The following TRAPPC13 variants were observed in gnomAD, a reference collection of about 807,000 sequenced individuals.
The protein encoded by TRAPPC13 is REV7-interacting novel NHEJ regulator 1.
Under a neutral mutation model 54.0 loss-of-function variants are expected in TRAPPC13, and 39 were observed. That is an observed-to-expected ratio of 0.72 (90% CI 0.56 to 0.94). The LOEUF (loss-of-function observed/expected upper bound fraction) is 0.94, where lower values mean the gene tolerates loss of function less well. Among genes scored for constraint, TRAPPC13 ranks in the 40% least tolerant of loss-of-function variants. The probability of loss-of-function intolerance (pLI) is 0.00; values close to 1 mark genes in which losing one functional copy is unlikely to be tolerated. For missense variants in TRAPPC13, 386 were observed against 488.1 expected, an observed-to-expected ratio of 0.79 and a Z score of 1.97; for synonymous variants, 148 against 167.7, an observed-to-expected ratio of 0.88 and a Z score of 0.91.
At chr5:65,638,596 A>C (rs1164349043) in intron 4 of TRAPPC13, among the ~76,000 whole-genome samples, 2 of 152,216 alleles carry the variant, frequency 1.3e-5, no homozygotes, top group Admixed American at 6.5e-5. Flanking sequence ...TAGCTGTATT[A>C]GTCCATTTTC....
chr5:65,630,156 A>G (rs1036246075), intron 1 of TRAPPC13: 5 of 1,536,042 alleles, frequency 3.3e-6, no homozygotes, highest in Non-Finnish European at 4.4e-6. Flanking sequence ...AAACTCAATC[A>G]AATTATTAGG....
chr5:65,631,363 A>AT (rs1022371556), intron 1 of TRAPPC13, among the ~76,000 whole-genome samples: 2 of 151,640 alleles, frequency 1.3e-5, no homozygotes, highest in Admixed American at 6.6e-5. Context: ...AAGCCCACTA[A>AT]TTTTTTTTTC....
chr5:65,658,836 C>A (rs1171619851), intron 9 of TRAPPC13, among the ~76,000 whole-genome samples: 1 of 151,942 alleles, frequency 6.6e-6, no homozygotes, highest in African/African-American at 2.4e-5. Context: ...TTTGGTGCAT[C>A]AGCCTCCCAA....
At chr5:65,640,174 A>G (rs186863357) in intron 4 of TRAPPC13, among the ~76,000 whole-genome samples, 1 of 152,312 alleles carries the variant, frequency 6.6e-6, no homozygotes, top group East Asian at 1.9e-4. Flanking sequence ...AAGGCTTTTG[A>G]ACTAAGAATG....
In TRAPPC13 at chr5:65,630,165, G is replaced by A. The variant is rs749561599; in HGVS notation, c.46+5059G>A. The A allele has an allele frequency of 7.7e-5, 118 of 1,535,862 alleles. 2 individuals carry two copies. In the South Asian group the frequency reaches 1.2e-3, roughly 16 times the overall value. ...TGGACAAAACTCAATCAAATTATTA[G>A]GCACAATGAACTTCCATCTTGTAAT... On this transcript the variant is annotated intron_variant, in intron 1 of 12. Coordinates refer to ENST00000399438, the MANE Select transcript of TRAPPC13 (RefSeq NM_024941.4).
chr5:65,649,868 T>G (rs1756359748), intron 5 of TRAPPC13, among the ~76,000 whole-genome samples: 1 of 151,396 alleles, frequency 6.6e-6, no homozygotes, highest in African/African-American at 2.4e-5. Flanking sequence ...TTTTTTTTTT[T>G]TTTTTTGAGA....
intron 1 of TRAPPC13, chr5:65,629,606 T>A: frequency 6.5e-7 from 1 of 1,533,324 alleles, no homozygotes; most frequent in East Asian, 2.4e-5. Context: ...AGAAGTAATA[T>A]TACATTATCG....
chr5:65,662,459 A>G (rs1164446263), intron 11 of TRAPPC13: 2 of 176,070 alleles, frequency 1.1e-5, no homozygotes, highest in African/African-American at 4.7e-5. Context: ...TTAATATATT[A>G]TGAATTGAAG....
chr5:65,646,281 T>C (rs1399043610), intron 4 of TRAPPC13, among the ~76,000 whole-genome samples: 1 of 152,090 alleles, frequency 6.6e-6, no homozygotes, highest in Non-Finnish European at 1.5e-5. Flanking sequence ...CTACTTTAGA[T>C]GAGGTAGTGC....
At position 65,652,457 on chromosome 5, in the gene TRAPPC13, T is replaced by C. The variant is rs750135865; in HGVS notation, c.502-44T>C. ...TTGATTTAAATAAATAAATAAATGGTCACATGATAACAATCTCCTGATTGA... is the reference window on the plus strand; with the variant it reads ...TTGATTTAAATAAATAAATAAATGGCCACATGATAACAATCTCCTGATTGA... On this transcript the variant is annotated intron_variant, in intron 6 of 12. Transcript: ENST00000399438. 9.6e-6 allele frequency: 13 copies of C among 1,358,546 alleles called. No individual in the cohort carries two copies. The Admixed American group carries it at 1.7e-4, about 17-fold the overall frequency. The allele number at this position is 1,358,546 out of a possible 1,614,324, so 84.2% of individuals were successfully genotyped here.
intron 3 of TRAPPC13, among the ~76,000 whole-genome samples, chr5:65,637,324 TCAAA>T (rs1458172616): frequency 6.6e-6 from 1 of 152,204 alleles, no homozygotes; most frequent in African/African-American, 2.4e-5. Flanking sequence ...TTAGTGATTC[TCAAA>T]CAGATTATTT....
chr5:65,653,695 T>C (rs1211023119), intron 7 of TRAPPC13, among the ~76,000 whole-genome samples: 2 of 152,012 alleles, frequency 1.3e-5, no homozygotes, highest in Admixed American at 6.6e-5. Flanking sequence ...GTCAAAGCAG[T>C]GAAGGCATTC....
chr5:65,658,515 T>A lies in TRAPPC13; in HGVS notation c.698+14T>A. 6.5e-7 allele frequency: 1 copy of A among 1,540,336 alleles called. No individual in the cohort carries two copies. Among genetic ancestry groups the A allele is most frequent in the Non-Finnish European group, 8.8e-7 (1 of 1,140,146 alleles). Reference sequence around the variant, plus strand: ...AGCTGGAGAATGGTAAATATTAATTTATGAAGTCTTTATCCTTGTTTTGAA... The same window carrying A: ...AGCTGGAGAATGGTAAATATTAATTAATGAAGTCTTTATCCTTGTTTTGAA... On this transcript the variant is annotated intron_variant, in intron 9 of 12. Transcript: ENST00000399438.
chr5:65,631,320 A>G (rs964404318), intron 1 of TRAPPC13, among the ~76,000 whole-genome samples: 2 of 152,220 alleles, frequency 1.3e-5, no homozygotes, highest in African/African-American at 4.8e-5. Flanking sequence ...GGGATTCTTC[A>G]TAGCCTGAGA....
chr5:65,634,302 T>C (rs989828599), intron 1 of TRAPPC13, among the ~76,000 whole-genome samples: 3 of 152,178 alleles, frequency 2.0e-5, no homozygotes, highest in Non-Finnish European at 4.4e-5. Context: ...GCAATTTCTT[T>C]ATATAAGTAT....
chr5:65,634,817 T>C (rs1166731417), intron 1 of TRAPPC13: 5 of 202,348 alleles, frequency 2.5e-5, no homozygotes, highest in Non-Finnish European at 4.4e-5. Flanking sequence ...GAGAATCTCT[T>C]GAACCTGGGA....
At chr5:65,649,829 T>C (rs1034817550) in intron 5 of TRAPPC13, among the ~76,000 whole-genome samples, 1 of 151,884 alleles carries the variant, frequency 6.6e-6, no homozygotes, top group Non-Finnish European at 1.5e-5. Context: ...GTATTTCTCA[T>C]TGCATTTATG....
At chr5:65,627,459 G>A (rs1283218068) in intron 1 of TRAPPC13, among the ~76,000 whole-genome samples, 3 of 151,956 alleles carry the variant, frequency 2.0e-5, no homozygotes, top group Non-Finnish European at 4.4e-5. Context: ...ATGAAACCCC[G>A]TCTCTACTGA....
chr5:65,629,752 A>G (rs1755447326), intron 1 of TRAPPC13: 1 of 1,536,110 alleles, frequency 6.5e-7, no homozygotes, highest in African/African-American at 1.4e-5. Context: ...GACCTAAAAG[A>G]TCACCACCTG....
Sources: gnomAD v4.1 joint callset for allele counts (sites outside exome capture counted in the v4.1 genomes callset) on GRCh38, gnomAD v4.1.1 for gene constraint, MANE v1.5 for transcripts, NCBI Gene and HGNC (gene_info 2026-07-23, HGNC 2026-07-21) for gene names.